The following TRPA1 variants were observed in gnomAD, a reference collection of about 807,000 sequenced individuals.
TRPA1 encodes the protein ankyrin-like with transmembrane domains 1.
TRPA1 carries 129 observed loss-of-function variants against 131.3 expected under a neutral mutation model. That is an observed-to-expected ratio of 0.98 (90% CI 0.85 to 1.14). TRPA1 has a LOEUF of 1.14. Ranked by LOEUF, TRPA1 falls within the 50% of genes most tolerant of loss-of-function variation. TRPA1 has a pLI of 0.00. For missense variants in TRPA1, 1,304 were observed against 1,354.2 expected, an observed-to-expected ratio of 0.96 and a Z score of 0.58; for synonymous variants, 441 against 451.7, an observed-to-expected ratio of 0.98 and a Z score of 0.30.
chr8:72,068,749 C>T (rs1251061511), intron 3 of TRPA1, among the ~76,000 whole-genome samples: 1 of 152,190 alleles, frequency 6.6e-6, no homozygotes, highest in Non-Finnish European at 1.5e-5. Flanking sequence ...AGTGGAATTA[C>T]TTCATAGTGG....
intron 4 of TRPA1, 72 bp from the exon 5 acceptor site, chr8:72,063,643 T>C: frequency 1.1e-6 from 1 of 941,230 alleles, no homozygotes; most frequent in South Asian, 1.3e-5. Flanking sequence ...AGAATTTATG[T>C]GCCTCTCCCA....
At chr8:72,052,994 T>TGTGTGTGA (rs1491537785) in intron 13 of TRPA1, 2 of 331,366 alleles carry the variant, frequency 6.0e-6, no homozygotes, top group Non-Finnish European at 1.1e-5. Flanking sequence ...TGTGTGTGTG[T>TGTGTGTGA]GAGAGATAGA....
intron 7 of TRPA1, among the ~76,000 whole-genome samples, chr8:72,061,158 T>C (rs1176677148): frequency 6.6e-6 from 1 of 152,242 alleles, no homozygotes; most frequent in Non-Finnish European, 1.5e-5. Flanking sequence ...GGAAACTTGG[T>C]TATAATTTCC....
At chr8:72,061,805 G>A in intron 6 of TRPA1, 44 bp from the exon 7 acceptor site, 1 of 1,603,738 alleles carries the variant, frequency 6.2e-7, no homozygotes, top group Non-Finnish European at 8.5e-7. Flanking sequence ...AAATCTCAAT[G>A]AAAGAATATA....
At chr8:72,051,371 AT>A (rs1374630285) in intron 14 of TRPA1, among the ~76,000 whole-genome samples, 1 of 152,132 alleles carries the variant, frequency 6.6e-6, no homozygotes, top group Non-Finnish European at 1.5e-5. Flanking sequence ...AACATTCCAG[AT>A]TTTGCCCATT....
rs10085956 is a variant in TRPA1 at position 72,022,773 on chromosome 8, C to T, written c.*133G>A. On this transcript the variant is annotated 3_prime_UTR_variant, in exon 27 of 27. Transcript: ENST00000262209. ...GGATAAAAGATGGTTTACTTTTATACAGCATGCAGGAACCATGATTTCACA... is the reference window on the plus strand; with the variant it reads ...GGATAAAAGATGGTTTACTTTTATATAGCATGCAGGAACCATGATTTCACA... 410,640 of 826,458 alleles carry T rather than the reference C, an allele frequency of 0.5. 104,619 individuals carry two copies. Among genetic ancestry groups the T allele is most frequent in the East Asian group, 0.79 (30,089 of 37,934 alleles). 51.2% of individuals were successfully genotyped at this position (826,458 alleles called of 1,614,324 possible).
chr8:72,030,067 T>C, intron 23 of TRPA1, 98 bp from the exon 24 acceptor site: 1 of 1,116,710 alleles, frequency 9.0e-7, no homozygotes, highest in Non-Finnish European at 1.4e-6. Flanking sequence ...TGTGACAAAA[T>C]ATTTTAGTCT....
intron 13 of TRPA1, chr8:72,052,994 T>TGTGTGTGTGTGTGTGTGTGATAGATA (rs1491537785): frequency 3.0e-6 from 1 of 330,296 alleles, no homozygotes. Flanking sequence ...TGTGTGTGTG[T>TGTGTGTGTGTGTGTGTGTGATAGATA]GAGAGATAGA....
At chr8:72,025,392 C>T (rs1476547067) in intron 25 of TRPA1, among the ~76,000 whole-genome samples, 1 of 152,074 alleles carries the variant, frequency 6.6e-6, no homozygotes, top group Non-Finnish European at 1.5e-5. Context: ...CACCTTCCAC[C>T]ATGATTGCAA....
rs754212636 is a variant in TRPA1, at chr8:72,026,037, G to A, written c.2974C>T (p.Leu992Phe). Residue 992 changes from leucine to phenylalanine, a missense_variant, in exon 25 of 27, where the codon CTT becomes TTT. Transcript: ENST00000262209. ...LHTSLEKKLP[L>F]WFLRKVDQKS... ...TGATCCACTTTGCGTAGAAACCAAA[G>A]TGGCAGCTTCTTCTCTAAGCTGGTA... The A allele has an allele frequency of 2.4e-5, 39 of 1,614,018 alleles. No homozygotes were observed. The highest frequency in any genetic ancestry group is 3.1e-5 in the Non-Finnish European group (36 of 1,179,920).
chr8:72,052,748 A>C lies in TRPA1; in HGVS notation c.1662T>G (p.Phe554Leu), dbSNP rs1805544463. 6.2e-7 allele frequency: 1 copy of C among 1,613,130 alleles called. No individual in the cohort carries two copies. The highest frequency in any genetic ancestry group is 1.3e-5 in the African/African-American group (1 of 74,890). The change falls in exon 14 of 27, where the codon TTT becomes TTG. Residue 554 changes from phenylalanine (F) to leucine (L), a missense_variant. Phe to Leu is a conservative substitution (Grantham distance 22, BLOSUM62 0). Coordinates refer to ENST00000262209, the MANE Select transcript of TRPA1 (RefSeq NM_007332.3). ...LDEDGNTALH[F>L]AAREGHAKAV... ...CTTTGGCGTGGCCTTCCCTTGCAGC[A>C]AAGTGAAGTGCAGTGTTCTTTTGAA...
chr8:72,049,271 C>G (rs1805432813), intron 15 of TRPA1, among the ~76,000 whole-genome samples: 1 of 152,026 alleles, frequency 6.6e-6, no homozygotes, highest in South Asian at 2.1e-4. Flanking sequence ...TACATTTTAC[C>G]CCTACTTTTG....
intron 23 of TRPA1, among the ~76,000 whole-genome samples, chr8:72,031,437 G>A (rs989507435): frequency 2.0e-5 from 3 of 151,918 alleles, no homozygotes; most frequent in Non-Finnish European, 4.4e-5. Context: ...AATTAGCTGG[G>A]TGTGGTGGTG....
At chr8:72,067,513 C>T (rs1365263489) in intron 3 of TRPA1, among the ~76,000 whole-genome samples, 1 of 152,076 alleles carries the variant, frequency 6.6e-6, no homozygotes, top group Non-Finnish European at 1.5e-5. Context: ...CTATGTGATA[C>T]CTACCTTTCT....
Position 72,022,983 on chromosome 8 carries a change from G to A in TRPA1, c.3283C>T (p.Gln1095Ter). The A allele has an allele frequency of 6.2e-7, 1 of 1,613,846 alleles. No homozygotes were observed. The highest frequency in any genetic ancestry group is 1.6e-4 in the Middle Eastern group (1 of 6,062). ...CSFQDRFKKEQMEQRNSRWNT... is the reference protein window; with the variant it reads ...CSFQDRFKKE ...CATCTGCTATTCCTTTGTTCCATCT[G>A]CTCTTTCTTAAACCTGTCTTGAAAA... Residue 1095 changes from glutamine (Q) to a stop codon, truncating the protein, a stop_gained, in exon 27 of 27, where the codon CAG becomes TAG. Transcript: ENST00000262209. LOFTEE classifies it high-confidence loss of function.
the TRPA1 span, among the ~76,000 whole-genome samples, chr8:72,084,589 TCTTA>T: frequency 6.6e-6 from 1 of 151,148 alleles, no homozygotes; most frequent in Non-Finnish European, 1.5e-5. Flanking sequence ...CTAAAAATTA[TCTTA>T]CTTTATTTAT....
the TRPA1 span, among the ~76,000 whole-genome samples, chr8:72,083,842 C>G: frequency 6.6e-6 from 1 of 152,296 alleles, no homozygotes; most frequent in South Asian, 2.1e-4. Flanking sequence ...GTAGCTACTC[C>G]TGTTTCTGTT....
At chr8:72,032,975 C>T (rs905966104) in intron 23 of TRPA1, among the ~76,000 whole-genome samples, 2 of 152,196 alleles carry the variant, frequency 1.3e-5, no homozygotes, top group Admixed American at 6.5e-5. Flanking sequence ...GAATGGGATG[C>T]ACCTTTGCCT....
chr8:72,057,556 T>C (rs535938724), intron 9 of TRPA1, among the ~76,000 whole-genome samples, 161 bp downstream of exon 9: 7 of 152,364 alleles, frequency 4.6e-5, no homozygotes, highest in Non-Finnish European at 1.5e-5. Flanking sequence ...ATTCTAGACA[T>C]GAAAACTGTT....
Sources: allele counts gnomAD v4.1 joint callset (sites outside exome capture counted in the v4.1 genomes callset), GRCh38; gene constraint gnomAD v4.1.1; transcripts MANE v1.5; gene names NCBI Gene and HGNC (gene_info 2026-07-23, HGNC 2026-07-21).